Variants in ADGRL3 observed in about 807,000 individuals in gnomAD.
ADGRL3 encodes calcium-independent alpha-latrotoxin receptor 3.
Under a neutral mutation model 153.5 loss-of-function variants are expected in ADGRL3, and 62 were observed. The ratio of observed to expected loss-of-function variants is 0.40; its 90% CI spans 0.33 to 0.50. The LOEUF (loss-of-function observed/expected upper bound fraction) is 0.50, where lower values mean the gene tolerates loss of function less well. ADGRL3 is among the 20% of genes least tolerant of loss of function. The pLI, the probability that ADGRL3 is intolerant of heterozygous loss-of-function variation, is 0.47. For synonymous variants in ADGRL3, 710 were observed against 672.5 expected, an observed-to-expected ratio of 1.06 and a Z score of -0.86; for missense variants, 1,641 against 1,859.4, an observed-to-expected ratio of 0.88 and a Z score of 2.16.
intron 9 of ADGRL3, among the ~76,000 whole-genome samples, chr4:61,876,022 TA>T (rs33994763): frequency 1.2e-4 from 17 of 147,764 alleles, no homozygotes; most frequent in Admixed American, 2.7e-4. Context: ...ACCCTGTCTC[TA>T]AAAAAAAAAT....
rs1190618911 is a variant in ADGRL3 at position 61,869,936 on chromosome 4, T to TAAAAAAAAAAAAAAAAAAAAAAAAAAAA, written c.1481-22695_1481-22694insAAAAAAAAAAAAAAAAAAAAAAAAAAAA. Among the ~76,000 whole-genome samples, 3 of 10,504 alleles carry TAAAAAAAAAAAAAAAAAAAAAAAAAAAA rather than the reference T, an allele frequency of 2.9e-4. 1 individual carries two copies. Among genetic ancestry groups the TAAAAAAAAAAAAAAAAAAAAAAAAAAAA allele is most frequent in the Non-Finnish European group, 5.1e-4 (2 of 3,912 alleles). The allele number at this position is 10,504 out of a possible 152,430, so 6.9% of individuals were successfully genotyped here. ...CTGGGCAACAAGAGCAAAACTTTGT[T>TAAAAAAAAAAAAAAAAAAAAAAAAAAAA]AAAAAAAAAAAAAAAAAAAAAAAAA... On this transcript the variant is annotated intron_variant, in intron 9 of 26. Coordinates refer to ENST00000683033, the MANE Select transcript of ADGRL3 (RefSeq NM_001387552.1).
intron 8 of ADGRL3, among the ~76,000 whole-genome samples, chr4:61,809,676 TTA>T (rs1408845459): frequency 6.6e-6 from 1 of 152,108 alleles, no homozygotes; most frequent in African/African-American, 2.4e-5. Flanking sequence ...CATGTATTTA[TTA>T]TGTTTACTGC....
rs1483823496 is a variant in ADGRL3, at chr4:61,932,678, C to T, written c.2113-2162C>T. On this transcript the variant is annotated intron_variant, in intron 13 of 26. Coordinates refer to ENST00000683033, the MANE Select transcript of ADGRL3 (RefSeq NM_001387552.1). ...GCTTTGGTGTCAAAGTAATGCTAGC[C>T]TCATAAAAAGGTGTTTGGAAGTGTC... Among the ~76,000 whole-genome samples, 9 of 152,184 alleles carry T rather than the reference C, an allele frequency of 5.9e-5. No homozygotes were observed. The East Asian group carries it at 1.5e-3, about 26-fold the overall frequency.
intron 1 of ADGRL3, among the ~76,000 whole-genome samples, chr4:61,212,658 G>T (rs1452757922): frequency 6.6e-6 from 1 of 152,082 alleles, no homozygotes; most frequent in African/African-American, 2.4e-5. Context: ...AGAAAGTTAT[G>T]TTGAGTTTTC....
At chr4:61,226,985 A>G (rs922321764) in intron 1 of ADGRL3, among the ~76,000 whole-genome samples, 16 of 151,916 alleles carry the variant, frequency 1.1e-4, no homozygotes, top group African/African-American at 3.6e-4. Context: ...GATATTTAGA[A>G]TGTAATTTTT....
At chr4:61,281,400 C>T (rs781284589) in intron 1 of ADGRL3, among the ~76,000 whole-genome samples, 9 of 152,076 alleles carry the variant, frequency 5.9e-5, no homozygotes, top group South Asian at 4.1e-4. Flanking sequence ...TAAAATCTCT[C>T]GCACATAAAA....
chr4:61,393,104 C>T (rs1482446649), intron 2 of ADGRL3, among the ~76,000 whole-genome samples: 1 of 152,010 alleles, frequency 6.6e-6, no homozygotes, highest in Admixed American at 6.6e-5. Flanking sequence ...CACACAGTCT[C>T]CCTGGATTGT....
chr4:61,596,250 C>T (rs1489026161), intron 5 of ADGRL3, among the ~76,000 whole-genome samples: 1 of 152,180 alleles, frequency 6.6e-6, no homozygotes, highest in Non-Finnish European at 1.5e-5. Context: ...TGCTCTGCCC[C>T]TTAGTTACTT....
intron 2 of ADGRL3, among the ~76,000 whole-genome samples, chr4:61,405,182 G>C (rs1032417856): frequency 1.3e-5 from 2 of 151,974 alleles, no homozygotes; most frequent in Admixed American, 1.3e-4. Flanking sequence ...CCATTATGGA[G>C]AATTCAGAAA....
At chr4:61,920,029 T>C (rs1006947662) in intron 13 of ADGRL3, among the ~76,000 whole-genome samples, 5 of 152,222 alleles carry the variant, frequency 3.3e-5, no homozygotes, top group African/African-American at 1.2e-4. Context: ...TTGCACCAAC[T>C]TGTATTCTCT....
chr4:61,878,660 T>G (rs1052536261), intron 9 of ADGRL3, among the ~76,000 whole-genome samples: 1 of 152,200 alleles, frequency 6.6e-6, no homozygotes, highest in Admixed American at 6.5e-5. Context: ...ATTGTTGATG[T>G]TAGAGTTCAC....
chr4:61,538,024 G>A (rs1263823301), intron 4 of ADGRL3, among the ~76,000 whole-genome samples: 2 of 152,024 alleles, frequency 1.3e-5, no homozygotes, highest in Non-Finnish European at 2.9e-5. Flanking sequence ...ATCCTTTGGA[G>A]GTCTCTAAAT....
chr4:61,333,529 T>A (rs549133906), intron 1 of ADGRL3, among the ~76,000 whole-genome samples: 3 of 152,198 alleles, frequency 2.0e-5, no homozygotes, highest in Non-Finnish European at 2.9e-5. Flanking sequence ...TTTAGTTTTA[T>A]GGCATTTCTT....
intron 4 of ADGRL3, among the ~76,000 whole-genome samples, chr4:61,527,479 T>C (rs895685110): frequency 6.6e-6 from 1 of 152,130 alleles, no homozygotes; most frequent in East Asian, 1.9e-4. Flanking sequence ...TTAATTGACA[T>C]ATATACACAT....
chr4:61,234,947 T>A (rs17090418), intron 1 of ADGRL3, among the ~76,000 whole-genome samples: 1 of 152,154 alleles, frequency 6.6e-6, no homozygotes, highest in East Asian at 1.9e-4. Context: ...AGATATGAGA[T>A]GCTTGAATGT....
Position 61,763,366 on chromosome 4 carries a change from T to TA in ADGRL3, c.1399+29813dup, listed in dbSNP as rs1406732893. 8.6e-5 allele frequency among the ~76,000 whole-genome samples: 13 copies of TA among 151,738 alleles called. No homozygotes were observed. In the South Asian group the frequency reaches 2.7e-3, roughly 32 times the overall value. On this transcript the variant is annotated intron_variant, in intron 8 of 26. Transcript: ENST00000683033. ...CCATGTCCAGCTATTTTTTTTTTTT[T>TA]AGTAGAGACGGGGTTTCACTATGTT...
At chr4:61,814,128 A>G (rs1293810822) in intron 9 of ADGRL3, among the ~76,000 whole-genome samples, 1 of 152,110 alleles carries the variant, frequency 6.6e-6, no homozygotes. Context: ...ATTTATAGTG[A>G]TTCAACTAGT....
chr4:61,975,835 A>G (rs2099045968), intron 17 of ADGRL3, among the ~76,000 whole-genome samples: 1 of 152,154 alleles, frequency 6.6e-6, no homozygotes, highest in African/African-American at 2.4e-5. Flanking sequence ...TGGCCAGAAC[A>G]TTTTCAAGAA....
intron 4 of ADGRL3, among the ~76,000 whole-genome samples, chr4:61,572,302 G>T (rs1418586045): frequency 2.0e-5 from 3 of 152,058 alleles, no homozygotes; most frequent in Admixed American, 1.3e-4. Context: ...CTCAAGTACT[G>T]AAGAAACTTT....
Sources: allele counts gnomAD v4.1 joint callset (sites outside exome capture counted in the v4.1 genomes callset), GRCh38; gene constraint gnomAD v4.1.1; transcripts MANE v1.5; gene names NCBI Gene and HGNC (gene_info 2026-07-23, HGNC 2026-07-21).